Variants in MACF1 observed in about 807,000 individuals in gnomAD.
MACF1 encodes microtubule-actin cross-linking factor 1.
A neutral mutation model predicts 854.8 loss-of-function variants in MACF1; 193 were observed. The observed-to-expected ratio is 0.23, with a 90% confidence interval of 0.20 to 0.25. The LOEUF (loss-of-function observed/expected upper bound fraction) is 0.25. MACF1 is among the 10% of genes least tolerant of loss of function. The pLI, the probability that MACF1 is intolerant of heterozygous loss-of-function variation, is 1.00. For synonymous variants in MACF1, 3,185 were observed against 3,226.7 expected, an observed-to-expected ratio of 0.99 and a Z score of 0.44; for missense variants, 7,722 against 8,929.1, an observed-to-expected ratio of 0.86 and a Z score of 5.45.
intron 58 of MACF1, chr1:39,412,821 C>T (rs1327018265): frequency 6.2e-7 from 1 of 1,612,506 alleles, no homozygotes; most frequent in Non-Finnish European, 8.5e-7. Context: ...CTGCACTGCC[C>T]AGCCCAGAGG....
Position 39,172,423 on chromosome 1 carries a change from A to C in MACF1, c.221-58759A>C, listed in dbSNP as rs1571132431. Among the ~76,000 whole-genome samples the C allele has an allele frequency of 2.0e-5, 3 of 152,284 alleles. No individual in the cohort carries two copies. In the South Asian group the frequency reaches 6.2e-4, roughly 32 times the overall value. ...TTGCTCATGGGTTGAGCTTGGCTAA[A>C]CAGTGCCTTTCACTCCCTGGGCCTT... On this transcript the variant is annotated intron_variant, in intron 2 of 93. Transcript: ENST00000361689.
At chr1:39,092,908 G>A (rs748458366) in intron 2 of MACF1, among the ~76,000 whole-genome samples, 25 of 151,780 alleles carry the variant, frequency 1.6e-4, no homozygotes, top group Non-Finnish European at 2.4e-4. Flanking sequence ...TCAGCCCCCC[G>A]AGTAACTGGG....
rs1395229315 is a variant in MACF1, at chr1:39,485,752, G to T, written c.22626G>T (p.Lys7542Asn). The T allele has an allele frequency of 6.2e-7, 1 of 1,612,096 alleles. No homozygotes were observed. Among genetic ancestry groups the T allele is most frequent in the South Asian group, 1.1e-5 (1 of 91,002 alleles). ...CCAAAATCCCAACCATGTCTAAGAA[G>T]ACCACCACTGCCTCCCCCAGGACTC... is the stretch of plus-strand genomic sequence containing the variant. Reference protein sequence around the residue: ...KPSKIPTMSKKTTTASPRTPG... With the variant: ...KPSKIPTMSKNTTTASPRTPG... Residue 7542 changes from lysine to asparagine, a missense_variant, in exon 101 of 101, where the codon AAG becomes AAT. By Grantham distance (94) the Lys-to-Asn change is moderately conservative. This residue lies in a region of MACF1 where 185 missense variants were observed against 225.7 expected (regional missense o/e 0.82). Transcript: ENST00000564288.
At chr1:39,187,133 A>G (rs1314939175) in intron 2 of MACF1, among the ~76,000 whole-genome samples, 1 of 151,992 alleles carries the variant, frequency 6.6e-6, no homozygotes, top group Non-Finnish European at 1.5e-5. Context: ...CGTTATATTC[A>G]GTGTTCAGAT....
intron 22 of MACF1, among the ~76,000 whole-genome samples, chr1:39,301,914 A>G (rs935861331): frequency 1.3e-5 from 2 of 152,194 alleles, no homozygotes; most frequent in African/African-American, 4.8e-5. Flanking sequence ...GTCACACAGT[A>G]TTATAACTAC....
At chr1:39,291,878 A>C (rs1405338732) in intron 15 of MACF1, 32 bp from the exon 16 acceptor site, 1 of 1,599,986 alleles carries the variant, frequency 6.3e-7, no homozygotes, top group South Asian at 1.1e-5. Flanking sequence ...CCAGCAGTAA[A>C]TTATGTCATA....
chr1:39,348,791 T>A (rs1647114057), intron 41 of MACF1, among the ~76,000 whole-genome samples: 1 of 152,190 alleles, frequency 6.6e-6, no homozygotes, highest in Admixed American at 6.5e-5. Context: ...AGAGAAAGGA[T>A]CAGGCACAGA....
Position 39,285,069 on chromosome 1 carries a change from A to C in MACF1, c.1132-14A>C. 1 of 1,613,850 alleles carries C rather than the reference A, an allele frequency of 6.2e-7. No homozygotes were observed. The highest frequency in any genetic ancestry group is 8.5e-7 in the Non-Finnish European group (1 of 1,179,774). Reference sequence around the variant, plus strand: ...CATGGCTGTGTTTTTGGACTGAAAGAGTATCTGTTTCAGGTGTGGATTGAA... The same window carrying C: ...CATGGCTGTGTTTTTGGACTGAAAGCGTATCTGTTTCAGGTGTGGATTGAA... On this transcript the variant is annotated splice_polypyrimidine_tract_variant and intron_variant, in intron 11 of 100. Transcript: ENST00000564288.
At chr1:39,436,145 T>TAAGCAA (rs1479005860) in intron 70 of MACF1, 2 of 412,644 alleles carry the variant, frequency 4.8e-6, no homozygotes, top group African/African-American at 4.1e-5. Flanking sequence ...TTAGTTTTCT[T>TAAGCAA]AAGCAACCAG....
intron 2 of MACF1, among the ~76,000 whole-genome samples, chr1:39,160,715 A>G (rs1477820474): frequency 6.6e-6 from 1 of 152,196 alleles, no homozygotes; most frequent in Non-Finnish European, 1.5e-5. Context: ...GAATGTTGCT[A>G]TAGGTCTTAG....
At chr1:39,203,005 C>CT (rs1342913409), upstream of MACF1, among the ~76,000 whole-genome samples, 1 of 151,998 alleles carries the variant, frequency 6.6e-6, no homozygotes, top group Non-Finnish European at 1.5e-5. Flanking sequence ...ATCTAAAACT[C>CT]TTTCCTTTTG....
intron 2 of MACF1, among the ~76,000 whole-genome samples, chr1:39,102,430 GAGGC>G (rs776492666): frequency 5.3e-5 from 2 of 37,684 alleles, no homozygotes; most frequent in East Asian, 5.0e-4. Flanking sequence ...CTATTAATTG[GAGGC>G]GGGGGGGGGG....
intron 58 of MACF1, among the ~76,000 whole-genome samples, chr1:39,406,620 A>G (rs1642710242): frequency 6.6e-6 from 1 of 151,562 alleles, no homozygotes; most frequent in South Asian, 2.1e-4. Flanking sequence ...CTGTAATCCC[A>G]GCTATTGGGG....
intron 2 of MACF1, among the ~76,000 whole-genome samples, chr1:39,119,242 G>C (rs1280917963): frequency 6.6e-6 from 1 of 151,090 alleles, no homozygotes; most frequent in Non-Finnish European, 1.5e-5. Flanking sequence ...GCTTGAACCC[G>C]GGAGGCGGAG....
chr1:39,479,421 G>C (rs1276942862), intron 97 of MACF1, among the ~76,000 whole-genome samples: 4 of 152,122 alleles, frequency 2.6e-5, no homozygotes, highest in Non-Finnish European at 2.9e-5. Flanking sequence ...TAAGCAAAAA[G>C]TACACATGTA....
chr1:39,223,069 A>C (rs1414613700), intron 1 of MACF1, among the ~76,000 whole-genome samples: 4 of 152,206 alleles, frequency 2.6e-5, no homozygotes, highest in Non-Finnish European at 4.4e-5. Context: ...TGTGTGTAAG[A>C]GATGGGAAAA....
intron 62 of MACF1, 28 bp downstream of exon 62, chr1:39,427,642 TA>T: frequency 6.3e-7 from 1 of 1,594,894 alleles, no homozygotes. Flanking sequence ...TAAATGAAAA[TA>T]GAAAACTGGA....
chr1:39,152,763 T>C (rs964734868), intron 2 of MACF1, among the ~76,000 whole-genome samples: 2 of 152,180 alleles, frequency 1.3e-5, no homozygotes, highest in Non-Finnish European at 1.5e-5. Flanking sequence ...GAATCTGACT[T>C]TTGAAAAATG....
intron 2 of MACF1, among the ~76,000 whole-genome samples, chr1:39,242,839 G>A (rs779864160): frequency 2.0e-4 from 31 of 151,932 alleles, no homozygotes; most frequent in Non-Finnish European, 4.6e-4. Flanking sequence ...GAGGCCAGGA[G>A]TTTGAGACCA....
Sources: allele counts gnomAD v4.1 joint callset (sites outside exome capture counted in the v4.1 genomes callset), GRCh38; gene constraint gnomAD v4.1.1; regional missense constraint gnomAD v4.1.1; transcripts MANE v1.5; gene names NCBI Gene and HGNC (gene_info 2026-07-23, HGNC 2026-07-21).